The following YWHAG variants were observed in gnomAD, a reference collection of about 807,000 sequenced individuals.
The protein encoded by YWHAG is 14-3-3 protein gamma.
YWHAG carries 1 observed loss-of-function variant against 23.3 expected under a neutral mutation model. The observed-to-expected ratio is 0.04, with a 90% CI of 0.02 to 0.20. YWHAG has a LOEUF of 0.20. YWHAG is among the 10% of genes least tolerant of loss of function. YWHAG has a pLI of 1.00. For missense variants in YWHAG, 151 were observed against 338.6 expected (o/e 0.45, Z 4.35); for synonymous variants, 160 against 144.0 (o/e 1.11, Z -0.80).
Position 76,327,672 on chromosome 7 carries a change from C to CG in YWHAG, c.*1904_*1905insC, listed in dbSNP as rs1171185672. ...AGGGAAAGCCCCACCTACCCTGCCC[C>CG]CCCCCCCCTCCCCCCCCAAATCGTC... On this transcript the variant is annotated 3_prime_UTR_variant, in exon 2 of 2. Transcript: ENST00000307630. 1.8e-5 allele frequency: 1 copy of CG among 56,100 alleles called. No homozygotes were observed. Among genetic ancestry groups the CG allele is most frequent in the East Asian group, 1.3e-3 (1 of 784 alleles). The allele number at this position is 56,100 out of a possible 1,614,324, so 3.5% of individuals were successfully genotyped here. A position where few individuals can be genotyped will look rare whatever the true frequency, so the allele number is the denominator to read the frequency against.
chr7:76,354,820 C>G (rs1253886582), intron 1 of YWHAG, among the ~76,000 whole-genome samples: 1 of 152,156 alleles, frequency 6.6e-6, no homozygotes, highest in Non-Finnish European at 1.5e-5. Flanking sequence ...TTCCATAATC[C>G]CCAAAGAGTT....
chr7:76,335,247 G>A (rs533673270), intron 1 of YWHAG, among the ~76,000 whole-genome samples: 158 of 152,126 alleles, frequency 1.0e-3, no homozygotes, highest in Middle Eastern at 6.8e-3. Flanking sequence ...TAATAGAGAC[G>A]GGGTTTCATC....
chr7:76,349,860 G>T (rs952360936), intron 1 of YWHAG, among the ~76,000 whole-genome samples: 1 of 152,152 alleles, frequency 6.6e-6, no homozygotes, highest in Admixed American at 6.6e-5. Context: ...CAGGCGTGGT[G>T]GTGGGCACCT....
intron 1 of YWHAG, among the ~76,000 whole-genome samples, chr7:76,343,882 A>G (rs1260888413): frequency 6.6e-6 from 1 of 152,196 alleles, no homozygotes; most frequent in Non-Finnish European, 1.5e-5. Context: ...GTGAGAATTA[A>G]CAAATATTTG....
intron 1 of YWHAG, among the ~76,000 whole-genome samples, chr7:76,343,523 T>C (rs1483386628): frequency 6.6e-6 from 1 of 152,252 alleles, no homozygotes; most frequent in African/African-American, 2.4e-5. Context: ...GAAAGTGTGC[T>C]GAATGACATC....
At chr7:76,330,256 T>C (rs1488520508) in intron 1 of YWHAG, 23 bp from the exon 2 acceptor site, 5 of 1,602,140 alleles carry the variant, frequency 3.1e-6, no homozygotes, top group South Asian at 1.1e-5. Context: ...AAGAACAGAG[T>C]TGTTATGGTA....
At chr7:76,330,659 G>T (rs1308653230) in intron 1 of YWHAG, among the ~76,000 whole-genome samples, 1 of 152,162 alleles carries the variant, frequency 6.6e-6, no homozygotes, top group Non-Finnish European at 1.5e-5. Context: ...ACTTCAAGCT[G>T]ACTTCTGAGA....
At chr7:76,337,666 C>T (rs1280467904) in intron 1 of YWHAG, among the ~76,000 whole-genome samples, 3 of 151,630 alleles carry the variant, frequency 2.0e-5, no homozygotes, top group Non-Finnish European at 2.9e-5. Flanking sequence ...TCCCGAGTAG[C>T]TGGGTCTACA....
rs11270080 is a variant in YWHAG at position 76,328,826 on chromosome 7, G to GCCGAGCACTTATGAACCAAAA, written c.*750_*751insTTTTGGTTCATAAGTGCTCGG. The GCCGAGCACTTATGAACCAAAA allele has an allele frequency of 1.3e-5, 2 of 151,500 alleles. No homozygotes were observed. Among genetic ancestry groups the GCCGAGCACTTATGAACCAAAA allele is most frequent in the African/African-American group, 2.4e-5 (1 of 41,200 alleles). The allele number at this position is 151,500 out of a possible 1,614,324, so 9.4% of individuals were successfully genotyped here. A position where few individuals can be genotyped will look rare whatever the true frequency, so the allele number is the denominator to read the frequency against. ...AAAAAAAAAAATCCCACAGCCACCT[G>GCCGAGCACTTATGAACCAAAA]ACCTGAAGTCGCTTTCATTCTCATT... On this transcript the variant is annotated 3_prime_UTR_variant, in exon 2 of 2. Coordinates refer to ENST00000307630, the MANE Select transcript of YWHAG (RefSeq NM_012479.4).
intron 1 of YWHAG, among the ~76,000 whole-genome samples, chr7:76,333,809 G>A (rs1348477025): frequency 2.0e-5 from 3 of 152,252 alleles, no homozygotes; most frequent in Non-Finnish European, 2.9e-5. Flanking sequence ...CCAGCGTGCC[G>A]AAGGCCACAA....
At chr7:76,330,276 T>A in intron 1 of YWHAG, 43 bp from the exon 2 acceptor site, 1 of 1,574,628 alleles carries the variant, frequency 6.4e-7, no homozygotes, top group East Asian at 2.2e-5. Context: ...ACAGATGGTG[T>A]CCACTGGGTT....
intron 1 of YWHAG, among the ~76,000 whole-genome samples, chr7:76,340,658 G>A (rs937430159): frequency 2.0e-5 from 3 of 152,152 alleles, no homozygotes; most frequent in Non-Finnish European, 4.4e-5. Flanking sequence ...AATCCCACAT[G>A]CTTTCCACTA....
At chr7:76,357,223 T>C (rs553049967) in intron 1 of YWHAG, among the ~76,000 whole-genome samples, 5 of 152,324 alleles carry the variant, frequency 3.3e-5, no homozygotes, top group Admixed American at 6.5e-5. Context: ...GACAAAAACC[T>C]TTCTTTGTTA....
chr7:76,341,989 A>G (rs942392587), intron 1 of YWHAG, among the ~76,000 whole-genome samples: 1 of 152,218 alleles, frequency 6.6e-6, no homozygotes, highest in Non-Finnish European at 1.5e-5. Flanking sequence ...CACTTGTTTG[A>G]AATATAAAAT....
chr7:76,343,920 C>T (rs1262767376), intron 1 of YWHAG, among the ~76,000 whole-genome samples: 1 of 152,138 alleles, frequency 6.6e-6, no homozygotes, highest in Non-Finnish European at 1.5e-5. Flanking sequence ...CAAGCAAACA[C>T]TAATACCGTA....
intron 1 of YWHAG, among the ~76,000 whole-genome samples, chr7:76,338,208 T>A (rs1203737043): frequency 6.6e-6 from 1 of 152,306 alleles, no homozygotes; most frequent in East Asian, 1.9e-4. Context: ...CATAGCAAAC[T>A]GCATGGAAAC....
At chr7:76,334,048 A>G (rs1177741527) in intron 1 of YWHAG, among the ~76,000 whole-genome samples, 1 of 152,226 alleles carries the variant, frequency 6.6e-6, no homozygotes, top group African/African-American at 2.4e-5. Context: ...CTTTGGATAC[A>G]GTAGCTCGAC....
intron 1 of YWHAG, among the ~76,000 whole-genome samples, chr7:76,348,096 AATT>A (rs1266349158): frequency 1.3e-5 from 2 of 152,194 alleles, no homozygotes; most frequent in African/African-American, 2.4e-5. Context: ...CCAATGGAAA[AATT>A]ATTAAATATG....
chr7:76,329,426 C>A lies in YWHAG; in HGVS notation c.*151G>T. ...ACTAGTGGTATTTTGGCAAAAATGT[C>A]AAAGAGGCGATCAAAGACAGGACAG... is the stretch of plus-strand genomic sequence containing the variant. On this transcript the variant is annotated 3_prime_UTR_variant, in exon 2 of 2. Transcript: ENST00000307630. This position sits in a 1 kb window ranked among gnomAD's most constrained non-coding sequence, Gnocchi z 6.1. The A allele has an allele frequency of 9.4e-7, 1 of 1,068,436 alleles. No individual in the cohort carries two copies. The allele number at this position is 1,068,436 out of a possible 1,614,324, so 66.2% of individuals were successfully genotyped here. A position where few individuals can be genotyped will look rare whatever the true frequency, so the allele number is the denominator to read the frequency against.
Sources: allele counts gnomAD v4.1 joint callset (sites outside exome capture counted in the v4.1 genomes callset), GRCh38; gene constraint gnomAD v4.1.1; non-coding constraint Gnocchi (gnomAD v3.1); transcripts MANE v1.5; gene names NCBI Gene and HGNC (gene_info 2026-07-23, HGNC 2026-07-21).